Variants in FLT1 observed in about 807,000 individuals in gnomAD.
FLT1 encodes fms related receptor tyrosine kinase 1, also known as vascular endothelial growth factor receptor 1.
In FLT1, 49 loss-of-function variants were observed where a neutral mutation model predicts 156.3. The ratio of observed to expected loss-of-function variants is 0.31; its 90% CI spans 0.25 to 0.40. The LOEUF is 0.40. FLT1 is among the 10% of genes least tolerant of loss of function. The pLI is 1.00. For synonymous variants in FLT1, 594 were observed against 583.8 expected (o/e 1.02, Z -0.25); for missense variants, 1,322 against 1,637.2 (o/e 0.81, Z 3.32).
At position 28,322,854 on chromosome 13, in the gene FLT1, G is replaced by A. The variant is rs763048495; in HGVS notation, c.2889C>T (p.Ser963=). 6.8e-6 allele frequency: 11 copies of A among 1,613,938 alleles called. No homozygotes were observed. Among genetic ancestry groups the A allele is most frequent in the Middle Eastern group, 1.6e-4 (1 of 6,072 alleles). The change falls in exon 21 of 30, where the codon AGC becomes AGT. Residue 963 remains serine, a synonymous_variant. Coordinates refer to ENST00000282397, the MANE Select transcript of FLT1 (RefSeq NM_002019.4). The surrounding 1 kb of genome is among the most constrained non-coding windows in gnomAD (Gnocchi z 4.3). The part of the protein sequence containing the change: ...KKPRLDSVTS[S]ESFASSGFQE... ...GAAAGCCGGAGCTCGCAAAGCTTTC[G>A]CTGCTGGTGACGCTATCTAGTCTTG...
At chr13:28,446,650 G>T (rs899757655) in intron 3 of FLT1, among the ~76,000 whole-genome samples, 2 of 152,140 alleles carry the variant, frequency 1.3e-5, no homozygotes, top group African/African-American at 4.8e-5. Flanking sequence ...AGAAATTAAA[G>T]AAGATCTACT....
At chr13:28,418,667 CT>C (rs1348178441) in intron 10 of FLT1, among the ~76,000 whole-genome samples, 4 of 152,254 alleles carry the variant, frequency 2.6e-5, no homozygotes, top group Non-Finnish European at 5.9e-5. Context: ...GGGCTCAAGC[CT>C]TCCTCCCGTC....
intron 17 of FLT1, among the ~76,000 whole-genome samples, chr13:28,338,445 G>A (rs1016423018): frequency 5.9e-5 from 9 of 152,218 alleles, no homozygotes; most frequent in African/African-American, 2.2e-4. Context: ...TAGCACCAGA[G>A]GCTGGAGATT....
chr13:28,399,382 G>C (rs1288026741), intron 11 of FLT1, among the ~76,000 whole-genome samples: 1 of 152,102 alleles, frequency 6.6e-6, no homozygotes, highest in African/African-American at 2.4e-5. Flanking sequence ...ATTTCTGTTG[G>C]CTTGGGAGTG....
At chr13:28,352,187 C>T (rs1171444679) in intron 15 of FLT1, among the ~76,000 whole-genome samples, 2 of 152,184 alleles carry the variant, frequency 1.3e-5, no homozygotes, top group African/African-American at 4.8e-5. Flanking sequence ...CAATTCTCAG[C>T]TCTGCCATTT....
intron 1 of FLT1, among the ~76,000 whole-genome samples, chr13:28,470,523 GC>G (rs1421313517): frequency 6.6e-5 from 10 of 152,150 alleles, no homozygotes; most frequent in African/African-American, 2.2e-4. Context: ...AGGAAAAGAA[GC>G]AGTTCCCCTG....
intron 16 of FLT1, among the ~76,000 whole-genome samples, chr13:28,345,026 C>T (rs1256829480): frequency 6.6e-6 from 1 of 151,772 alleles, no homozygotes; most frequent in Admixed American, 6.6e-5. Flanking sequence ...TGGTCTTGAA[C>T]TCTTGGCCTC....
Position 28,399,793 on chromosome 13 carries a change from T to G in FLT1, c.1552-2725A>C, listed in dbSNP as rs186956010. Among the ~76,000 whole-genome samples, 673 of 152,304 alleles carry G rather than the reference T, an allele frequency of 4.4e-3. 7 individuals carry two copies. Among genetic ancestry groups the G allele is most frequent in the African/African-American group, 0.015 (642 of 41,570 alleles). ...GCCCCAGAAATCATGTCTCCAAAGC[T>G]TCTATTAAAATAGAAGCAGAAAACA... On this transcript the variant is annotated intron_variant, in intron 11 of 29. Transcript: ENST00000282397.
chr13:28,342,718 G>T (rs577941460), intron 16 of FLT1, among the ~76,000 whole-genome samples: 1 of 152,276 alleles, frequency 6.6e-6, no homozygotes, highest in African/African-American at 2.4e-5. Context: ...AGCCTCAGTT[G>T]CCCTCTCTAT....
chr13:28,404,539 T>C (rs1049711897), intron 11 of FLT1, among the ~76,000 whole-genome samples: 4 of 152,332 alleles, frequency 2.6e-5, no homozygotes, highest in Non-Finnish European at 5.9e-5. Flanking sequence ...TGTTAAATCA[T>C]ACATGAGGAA....
chr13:28,450,982 T>C (rs900301580), intron 3 of FLT1, among the ~76,000 whole-genome samples: 1 of 152,106 alleles, frequency 6.6e-6, no homozygotes, highest in Admixed American at 6.5e-5. Flanking sequence ...AGGGGTAGCA[T>C]GGGGCCTTCT....
At chr13:28,472,953 C>T (rs570742542) in intron 1 of FLT1, among the ~76,000 whole-genome samples, 1 of 152,280 alleles carries the variant, frequency 6.6e-6, no homozygotes, top group South Asian at 2.1e-4. Flanking sequence ...TCTGAATAGA[C>T]ACCTTCCCAA....
intron 1 of FLT1, among the ~76,000 whole-genome samples, chr13:28,480,236 T>C (rs1880760676): frequency 6.6e-6 from 1 of 152,234 alleles, no homozygotes; most frequent in Non-Finnish European, 1.5e-5. Context: ...CCTTACCTTG[T>C]TTATTTTTCC....
At chr13:28,347,638 A>G (rs1252339582) in intron 15 of FLT1, among the ~76,000 whole-genome samples, 1 of 152,210 alleles carries the variant, frequency 6.6e-6, no homozygotes, top group Non-Finnish European at 1.5e-5. Context: ...GGTTTGATCT[A>G]AAGGCTGCAG....
chr13:28,307,274 G>A (rs1404661145), intron 28 of FLT1, among the ~76,000 whole-genome samples: 3 of 152,018 alleles, frequency 2.0e-5, no homozygotes, highest in African/African-American at 7.3e-5. Flanking sequence ...GGTTTCTTTT[G>A]GCAGTGAGTT....
intron 14 of FLT1, among the ~76,000 whole-genome samples, chr13:28,375,731 T>C (rs1873812494): frequency 6.6e-6 from 1 of 152,222 alleles, no homozygotes; most frequent in South Asian, 2.1e-4. Context: ...GCTGCTTAGC[T>C]AATCACACCA....
chr13:28,405,406 C>T (rs1235500417), intron 11 of FLT1, among the ~76,000 whole-genome samples: 1 of 152,132 alleles, frequency 6.6e-6, no homozygotes, highest in African/African-American at 2.4e-5. Context: ...ATTCTCAATC[C>T]CCGTTAGGTA....
At position 28,461,893 on chromosome 13, in the gene FLT1, G is replaced by A. The variant is rs1036495078; in HGVS notation, c.388+5010C>T. On this transcript the variant is annotated intron_variant, in intron 3 of 29. Coordinates refer to ENST00000282397, the MANE Select transcript of FLT1 (RefSeq NM_002019.4). ...TTATGCATATGGGAAAATCAACTGC[G>A]GAAAAATTTCTTATAAAAATGCTCC... Among the ~76,000 whole-genome samples, 7 of 152,136 alleles carry A rather than the reference G, an allele frequency of 4.6e-5. No homozygotes were observed. The East Asian group carries it at 5.8e-4, about 13-fold the overall frequency.
Position 28,303,202 on chromosome 13 carries a change from T to TACAACTCG in FLT1, c.3981_3982insCGAGTTGT (p.Asn1328ArgfsTer17), listed in dbSNP as rs1056674201. 2 of 1,612,560 alleles carry TACAACTCG rather than the reference T, an allele frequency of 1.2e-6. No individual in the cohort carries two copies. Among genetic ancestry groups the TACAACTCG allele is most frequent in the African/African-American group, 2.7e-5 (2 of 74,776 alleles). ...GGGGTGGAGTACAGGACCACCGAGT[T>TACAACTCG]GTAGTCTGGGGGCGGGGAGCAGCAC... On this transcript the variant is annotated frameshift_variant, in exon 30 of 30. Coordinates refer to ENST00000282397, the MANE Select transcript of FLT1 (RefSeq NM_002019.4). LOFTEE classifies it high-confidence loss of function.
Sources: gnomAD v4.1 joint callset for allele counts (sites outside exome capture counted in the v4.1 genomes callset) on GRCh38, gnomAD v4.1.1 for gene constraint, Gnocchi (gnomAD v3.1) non-coding constraint, MANE v1.5 for transcripts, NCBI Gene and HGNC (gene_info 2026-07-23, HGNC 2026-07-21) for gene names.